MMRN1: variants seen among roughly 807,000 people sequenced by gnomAD.
MMRN1 encodes the protein multimerin 1, also known as multimerin-1.
MMRN1 carries 94 observed loss-of-function variants against 100.7 expected under a neutral mutation model. The ratio of observed to expected loss-of-function variants is 0.93; its 90% confidence interval spans 0.79 to 1.11. The LOEUF is 1.11. Ranked by LOEUF, MMRN1 falls within the 50% of genes least tolerant of loss-of-function variation. The pLI is 0.00. For missense variants in MMRN1, 1,606 were observed against 1,439.1 expected (o/e 1.12, Z -1.88); for synonymous variants, 575 against 505.0 (o/e 1.14, Z -1.86).
chr4:89,912,113 G>C (rs1721773230), intron 3 of MMRN1, 63 bp downstream of exon 3: 1 of 1,182,112 alleles, frequency 8.5e-7, no homozygotes, highest in African/African-American at 1.6e-5. Context: ...TTGAAGAAAA[G>C]AATAGCATTT....
chr4:89,934,454 A>G (rs1722537229), intron 5 of MMRN1, among the ~76,000 whole-genome samples: 1 of 152,134 alleles, frequency 6.6e-6, no homozygotes. Flanking sequence ...AGAAAGCCCA[A>G]AGCCATTTAT....
At chr4:89,924,601 T>C (rs774880254) in intron 4 of MMRN1, among the ~76,000 whole-genome samples, 11 of 151,926 alleles carry the variant, frequency 7.2e-5, no homozygotes, top group Non-Finnish European at 1.2e-4. Context: ...TCCCAGCAAT[T>C]TGGGAGGCCG....
At chr4:89,891,647 C>G (rs920710180), upstream of MMRN1, among the ~76,000 whole-genome samples, 1 of 151,938 alleles carries the variant, frequency 6.6e-6, no homozygotes, top group Admixed American at 6.6e-5. Flanking sequence ...TGTTGATAAC[C>G]CCCTTTGTCC....
intron 6 of MMRN1, among the ~76,000 whole-genome samples, chr4:89,938,660 A>G (rs1722730963): frequency 6.6e-6 from 1 of 151,584 alleles, no homozygotes; most frequent in Non-Finnish European, 1.5e-5. Flanking sequence ...AATTGTATCT[A>G]GATACTTATT....
intron 6 of MMRN1, among the ~76,000 whole-genome samples, chr4:89,949,864 G>A (rs556358162): frequency 1.4e-4 from 21 of 152,052 alleles, no homozygotes; most frequent in Non-Finnish European, 2.8e-4. Flanking sequence ...AAAATTTATA[G>A]GTCTCACTTC....
At chr4:89,915,500 A>C (rs752774709) in intron 3 of MMRN1, among the ~76,000 whole-genome samples, 12 of 151,630 alleles carry the variant, frequency 7.9e-5, no homozygotes, top group Non-Finnish European at 1.5e-4. Flanking sequence ...GAGAGAGAGC[A>C]AACATCCTCA....
upstream of MMRN1, chr4:89,894,766 T>C (rs548048046): frequency 6.3e-6 from 5 of 788,066 alleles, no homozygotes; most frequent in Admixed American, 1.7e-4. Flanking sequence ...GCCATCCCAC[T>C]AGAGGTCACA....
At chr4:89,919,493 A>G (rs1349232561) in intron 3 of MMRN1, among the ~76,000 whole-genome samples, 1 of 151,772 alleles carries the variant, frequency 6.6e-6, no homozygotes, top group African/African-American at 2.4e-5. Flanking sequence ...ACGTTTACCT[A>G]GCAAGAAAAA....
In MMRN1 at chr4:89,953,953, T is replaced by C. The variant is rs1485370741; in HGVS notation, c.*535T>C. ...TCATTCAGAATCAAAATTAAGAAAG[T>C]TGGACTGAAAATATGAAAAATGCTT... On this transcript the variant is annotated 3_prime_UTR_variant, in exon 8 of 8. Transcript: ENST00000264790. 2 of 152,170 alleles carry C rather than the reference T, an allele frequency of 1.3e-5. No individual in the cohort carries two copies. Among genetic ancestry groups the C allele is most frequent in the Non-Finnish European group, 2.9e-5 (2 of 68,064 alleles). 9.4% of individuals were successfully genotyped at this position (152,170 alleles called of 1,614,324 possible).
chr4:89,942,002 C>G (rs186836266), intron 6 of MMRN1, among the ~76,000 whole-genome samples: 2 of 152,246 alleles, frequency 1.3e-5, no homozygotes, highest in Admixed American at 6.5e-5. Context: ...AAATTGACAA[C>G]CTTTTCTGTC....
At chr4:89,926,971 T>C (rs1291124205) in intron 4 of MMRN1, among the ~76,000 whole-genome samples, 1 of 152,140 alleles carries the variant, frequency 6.6e-6, no homozygotes, top group East Asian at 1.9e-4. Context: ...TCTATTCTAT[T>C]CCATTGGTGT....
At chr4:89,923,307 A>G (rs759092654) in intron 4 of MMRN1, 35 bp downstream of exon 4, 1 of 1,529,932 alleles carries the variant, frequency 6.5e-7, no homozygotes. Flanking sequence ...CTCTGACCCA[A>G]TTATTGTCAA....
rs1478625624 is a variant in MMRN1 at position 89,895,194 on chromosome 4, G to A, written c.223G>A (p.Glu75Lys). The change falls in exon 1 of 8, where the codon GAA (glutamate) becomes AAA (lysine). Residue 75 changes from glutamate to lysine, a missense_variant. Coordinates refer to ENST00000264790, the MANE Select transcript of MMRN1 (RefSeq NM_007351.3). ...TACAACTCCAGAGGCAAGAACTTCT[G>A]AAGACAGTCTTCTTAAATCAACACT... The part of the protein sequence containing the change: ...IATTPEARTS[E>K]DSLLKSTLPP... 1.2e-6 allele frequency: 2 copies of A among 1,613,836 alleles called. No individual in the cohort carries two copies. Among genetic ancestry groups the A allele is most frequent in the Non-Finnish European group, 1.7e-6 (2 of 1,179,912 alleles).
In MMRN1 at chr4:89,894,888, T is replaced by C; in HGVS notation, c.-84T>C. The C allele has an allele frequency of 2.0e-6, 3 of 1,522,996 alleles. No homozygotes were observed. The highest frequency in any genetic ancestry group is 1.3e-5 in the South Asian group (1 of 74,648). The allele number at this position is 1,522,996 out of a possible 1,614,324, so 94.3% of individuals were successfully genotyped here. ...ACTGGCAAAACTCAGTCTTAGCAGA[T>C]TCAGTGTGGAAGCAGCTATCAAAAA... On this transcript the variant is annotated 5_prime_UTR_variant, in exon 1 of 8. Coordinates refer to ENST00000264790, the MANE Select transcript of MMRN1 (RefSeq NM_007351.3).
In MMRN1 at chr4:89,923,164, C is replaced by T; in HGVS notation, c.851-4C>T. The T allele has an allele frequency of 6.2e-7, 1 of 1,612,700 alleles. No homozygotes were observed. The highest frequency in any genetic ancestry group is 8.5e-7 in the Non-Finnish European group (1 of 1,178,866). ...GTCTCTCTTCTCTTTCTGCTTCCTT[C>T]TAGCCCAGGAACAGCAAAGTTTGAT... On this transcript the variant is annotated splice_region_variant and splice_polypyrimidine_tract_variant and intron_variant, in intron 3 of 7. Coordinates refer to ENST00000264790, the MANE Select transcript of MMRN1 (RefSeq NM_007351.3).
chr4:89,889,753 G>T (rs977888245), intron 1 of MMRN1, among the ~76,000 whole-genome samples: 5 of 151,986 alleles, frequency 3.3e-5, no homozygotes, highest in Non-Finnish European at 4.4e-5. Flanking sequence ...TAACCTTAGG[G>T]TGGGAATTCC....
chr4:89,951,740 C>T lies in MMRN1; in HGVS notation c.3254C>T (p.Ala1085Val). The stretch of plus-strand genomic sequence containing the variant: ...ACTATCAAGCTTGTGGAAGAAAATG[C>T]TTTAGCTCCAGGTAAAAAAAAAGTA... The part of the protein sequence containing the change: ...NCTIKLVEEN[A>V]LAPDFSKGSY... The change falls in exon 7 of 8, where the codon GCT becomes GTT. Residue 1085 changes from alanine (A) to valine (V), a missense_variant. Physicochemically the swap from Ala to Val is moderately conservative, Grantham distance 64. Coordinates refer to ENST00000264790, the MANE Select transcript of MMRN1 (RefSeq NM_007351.3). 4 of 1,611,954 alleles carry T rather than the reference C, an allele frequency of 2.5e-6. No homozygotes were observed. The highest frequency in any genetic ancestry group is 2.2e-5 in the East Asian group (1 of 44,648).
At chr4:89,902,652 T>C (rs1721430588) in intron 1 of MMRN1, among the ~76,000 whole-genome samples, 1 of 151,924 alleles carries the variant, frequency 6.6e-6, no homozygotes, top group Non-Finnish European at 1.5e-5. Context: ...CTCAATTACA[T>C]TCACCACACT....
In MMRN1 at chr4:89,887,231, G is replaced by A. The variant is rs995256962; in HGVS notation, c.-248-7493G>A. ...TGTTAAAGTGTCCACACTACCCAAA[G>A]CGATCTACAGATTTAATGCAATCCC... is the stretch of plus-strand genomic sequence containing the variant. On this transcript the variant is annotated intron_variant, in intron 1 of 8. Coordinates refer to the MMRN1 transcript ENST00000394980. Among the ~76,000 whole-genome samples the A allele has an allele frequency of 7.2e-5, 11 of 152,016 alleles. 1 individual carries two copies. The highest frequency in any genetic ancestry group is 2.7e-4 in the African/African-American group (11 of 41,418).
Sources: gnomAD v4.1 joint callset for allele counts (sites outside exome capture counted in the v4.1 genomes callset) on GRCh38, gnomAD v4.1.1 for gene constraint, MANE v1.5 for transcripts, NCBI Gene and HGNC (gene_info 2026-07-23, HGNC 2026-07-21) for gene names.